The following SPATS2L variants were observed in gnomAD, a reference collection of about 807,000 sequenced individuals.
The protein encoded by SPATS2L is spermatogenesis associated serine rich 2 like.
A neutral mutation model predicts 59.6 loss-of-function variants in SPATS2L; 30 were observed. The observed-to-expected ratio is 0.50, with a 90% CI of 0.38 to 0.68. The LOEUF (loss-of-function observed/expected upper bound fraction) is 0.68. Ranked by LOEUF, SPATS2L falls within the 30% of genes least tolerant of loss-of-function variation. The pLI is 0.00. For missense variants in SPATS2L, 615 were observed against 700.0 expected (o/e 0.88, Z 1.37); for synonymous variants, 252 against 263.5 (o/e 0.96, Z 0.42).
At chr2:200,405,348 T>C (rs2082656413) in intron 3 of SPATS2L, among the ~76,000 whole-genome samples, 1 of 151,370 alleles carries the variant, frequency 6.6e-6, no homozygotes, top group South Asian at 2.1e-4. Context: ...CATCTTCAAA[T>C]CTGCATTATT....
chr2:200,473,170 A>C, intron 12 of SPATS2L, 118 bp downstream of exon 12: 1 of 938,166 alleles, frequency 1.1e-6, no homozygotes, highest in Non-Finnish European at 1.6e-6. Context: ...GGCTCCCGCC[A>C]CCTGCCCTCA....
chr2:200,402,907 A>C (rs939885803), intron 3 of SPATS2L, among the ~76,000 whole-genome samples: 1 of 152,226 alleles, frequency 6.6e-6, no homozygotes, highest in African/African-American at 2.4e-5. Flanking sequence ...TGGCTGAAAC[A>C]TTCCTGTTTA....
intron 12 of SPATS2L, among the ~76,000 whole-genome samples, chr2:200,474,819 G>T (rs189011930): frequency 1.3e-5 from 2 of 152,306 alleles, no homozygotes; most frequent in African/African-American, 4.8e-5. Context: ...ACCCAGGCAA[G>T]AATGGCCCTT....
At chr2:200,436,618 A>G (rs906541948) in intron 6 of SPATS2L, among the ~76,000 whole-genome samples, 15 of 152,228 alleles carry the variant, frequency 9.9e-5, no homozygotes, top group South Asian at 4.1e-4. Context: ...TAATGAGCCT[A>G]TGCTCATTTG....
chr2:200,435,233 A>G (rs2084201185), intron 6 of SPATS2L, among the ~76,000 whole-genome samples: 1 of 152,202 alleles, frequency 6.6e-6, no homozygotes, highest in Non-Finnish European at 1.5e-5. Flanking sequence ...TACTCAGGAC[A>G]TTATATACCA....
chr2:200,459,094 G>C (rs576548866), intron 8 of SPATS2L, among the ~76,000 whole-genome samples: 1 of 152,158 alleles, frequency 6.6e-6, no homozygotes, highest in Non-Finnish European at 1.5e-5. Flanking sequence ...ACTGGGGGTT[G>C]GGATGGGATA....
intron 2 of SPATS2L, among the ~76,000 whole-genome samples, chr2:200,336,554 A>T (rs1011344047): frequency 3.3e-5 from 5 of 151,536 alleles, no homozygotes; most frequent in African/African-American, 7.3e-5. Context: ...AAAGACCTTA[A>T]TTTTTTTTTC....
chr2:200,367,893 A>G (rs1175982379), intron 2 of SPATS2L, among the ~76,000 whole-genome samples: 1 of 152,212 alleles, frequency 6.6e-6, no homozygotes, highest in Non-Finnish European at 1.5e-5. Flanking sequence ...GTAGTTTATA[A>G]ACAATGTAGT....
chr2:200,346,881 A>G (rs2080529486), intron 2 of SPATS2L, among the ~76,000 whole-genome samples: 1 of 151,970 alleles, frequency 6.6e-6, no homozygotes, highest in South Asian at 2.1e-4. Context: ...ATTTTTAACA[A>G]CACTTTTTCA....
At chr2:200,393,763 T>A (rs1222785922) in intron 3 of SPATS2L, among the ~76,000 whole-genome samples, 1 of 152,256 alleles carries the variant, frequency 6.6e-6, no homozygotes, top group Non-Finnish European at 1.5e-5. Context: ...CACAGAGCAA[T>A]GACATTTTAA....
intron 1 of SPATS2L, among the ~76,000 whole-genome samples, chr2:200,310,597 CATTGTTTAGT>C (rs1427438716): frequency 6.6e-6 from 1 of 152,220 alleles, no homozygotes; most frequent in African/African-American, 2.4e-5. Context: ...AATACTTTAG[CATTGTTTAGT>C]ATTGCACCAG....
chr2:200,362,584 C>T (rs999223703), intron 2 of SPATS2L, among the ~76,000 whole-genome samples: 2 of 152,132 alleles, frequency 1.3e-5, no homozygotes, highest in Non-Finnish European at 2.9e-5. Context: ...TTCCATTGGC[C>T]AGGACTTACC....
chr2:200,355,504 A>G (rs1373469505), intron 2 of SPATS2L, among the ~76,000 whole-genome samples: 1 of 152,248 alleles, frequency 6.6e-6, no homozygotes, highest in Non-Finnish European at 1.5e-5. Flanking sequence ...ACAAACACAC[A>G]AATCTCATAT....
At chr2:200,452,641 G>A (rs1295625757) in intron 8 of SPATS2L, among the ~76,000 whole-genome samples, 3 of 152,190 alleles carry the variant, frequency 2.0e-5, no homozygotes, top group African/African-American at 7.2e-5. Flanking sequence ...GCAATTGAGT[G>A]TAGTCATTGA....
At chr2:200,417,273 C>T (rs1016598023) in intron 5 of SPATS2L, among the ~76,000 whole-genome samples, 24 of 152,108 alleles carry the variant, frequency 1.6e-4, no homozygotes, top group Admixed American at 1.4e-3. Context: ...TCATAAAACC[C>T]GAAGATTACT....
chr2:200,316,003 A>T, intron 1 of SPATS2L, among the ~76,000 whole-genome samples: 1 of 143,050 alleles, frequency 7.0e-6, no homozygotes, highest in East Asian at 2.1e-4. Flanking sequence ...CCAGCCTGGG[A>T]GACAGTGTGA....
intron 2 of SPATS2L, among the ~76,000 whole-genome samples, chr2:200,336,927 G>A (rs1334345855): frequency 6.7e-6 from 1 of 149,742 alleles, no homozygotes; most frequent in Admixed American, 6.6e-5. Flanking sequence ...CATACTTAGT[G>A]AAATTTTTTT....
intron 2 of SPATS2L, among the ~76,000 whole-genome samples, chr2:200,376,627 G>A (rs2105901462): frequency 6.6e-6 from 1 of 152,342 alleles, no homozygotes; most frequent in South Asian, 2.1e-4. Flanking sequence ...ACATCTGATA[G>A]CTACAAGGCA....
chr2:200,467,476 G>T, intron 10 of SPATS2L, 77 bp downstream of exon 10: 1 of 1,020,170 alleles, frequency 9.8e-7, no homozygotes, highest in Non-Finnish European at 1.5e-6. Flanking sequence ...CATCCACAGA[G>T]TTCTGCTCTC....
Sources: allele counts gnomAD v4.1 joint callset (sites outside exome capture counted in the v4.1 genomes callset), GRCh38; gene constraint gnomAD v4.1.1; transcripts MANE v1.5; gene names NCBI Gene and HGNC (gene_info 2026-07-23, HGNC 2026-07-21).